The following GALNT9 variants were observed in gnomAD, a reference collection of about 807,000 sequenced individuals.
The protein encoded by GALNT9 is GalNAc transferase 9.
In GALNT9, 47 loss-of-function variants were observed where a neutral mutation model predicts 63.1. The ratio of observed to expected loss-of-function variants is 0.75; its 90% CI spans 0.59 to 0.95. The LOEUF is 0.95. GALNT9 is among the 40% of genes least tolerant of loss of function. GALNT9 has a pLI of 0.00. For missense variants in GALNT9, 829 were observed against 874.8 expected, an observed-to-expected ratio of 0.95 and a Z score of 0.66; for synonymous variants, 396 against 365.7, an observed-to-expected ratio of 1.08 and a Z score of -0.94.
intron 1 of GALNT9, among the ~76,000 whole-genome samples, chr12:132,288,901 G>A (rs1215341255): frequency 4.6e-5 from 7 of 151,554 alleles, no homozygotes; most frequent in Admixed American, 4.6e-4. Context: ...ACGGCTGCCT[G>A]ATGCCCAGCG....
At chr12:132,293,356 A>G (rs1880931367) in intron 1 of GALNT9, among the ~76,000 whole-genome samples, 1 of 152,242 alleles carries the variant, frequency 6.6e-6, no homozygotes, top group African/African-American at 2.4e-5. Context: ...GCCTCTGGCC[A>G]CAGGCTTTCC....
chr12:132,326,931 C>A (rs971156460), intron 1 of GALNT9, among the ~76,000 whole-genome samples: 20 of 152,206 alleles, frequency 1.3e-4, no homozygotes, highest in African/African-American at 4.6e-4. Context: ...CCCGTAGGGC[C>A]CCACCGGGGG....
At chr12:132,229,299 C>G (rs1877811465) in intron 6 of GALNT9, among the ~76,000 whole-genome samples, 1 of 152,256 alleles carries the variant, frequency 6.6e-6, no homozygotes, top group African/African-American at 2.4e-5. Flanking sequence ...TCACCAGAGG[C>G]AAGCCCCACG....
At chr12:132,217,948 C>T (rs1248029674) in intron 6 of GALNT9, among the ~76,000 whole-genome samples, 1 of 150,376 alleles carries the variant, frequency 6.6e-6, no homozygotes, top group Non-Finnish European at 1.5e-5. Context: ...CCCACCCACT[C>T]ACCACTCATC....
rs553434348 is a variant in GALNT9 at position 132,197,053 on chromosome 12, C to G, written c.*54G>C. 1.0e-4 allele frequency: 161 copies of G among 1,598,994 alleles called. 4 individuals are homozygous for G. The South Asian group carries it at 1.8e-3, about 18-fold the overall frequency. ...GGCACACCCCGGTCACTCAGCCACA[C>G]TGGCTCGGCCCAGCGCCTTCCCGAG... On this transcript the variant is annotated 3_prime_UTR_variant, in exon 11 of 11. Transcript: ENST00000328957.
intron 1 of GALNT9, among the ~76,000 whole-genome samples, chr12:132,324,274 C>T (rs1412255558): frequency 1.3e-5 from 2 of 152,162 alleles, no homozygotes; most frequent in African/African-American, 2.4e-5. Context: ...CAGGACATTC[C>T]GAGACGCACG....
rs1276963613 is a variant in GALNT9, at chr12:132,252,047, C to G, written c.960-4020G>C. ...CTTAACTGGGATCCCAGGAATCCTC[C>G]GTGATGAGGATGGTCCCCAGCGTCT... On this transcript the variant is annotated intron_variant, in intron 5 of 10. Coordinates refer to ENST00000328957, the MANE Select transcript of GALNT9 (RefSeq NM_001122636.2). This position sits in a 1 kb window ranked among gnomAD's most constrained non-coding sequence, Gnocchi z 5.2. Among the ~76,000 whole-genome samples the G allele has an allele frequency of 6.6e-6, 1 of 152,212 alleles. No homozygotes were observed. Among genetic ancestry groups the G allele is most frequent in the Non-Finnish European group, 1.5e-5 (1 of 68,046 alleles).
At chr12:132,206,934 G>A (rs1309468827) in intron 6 of GALNT9, among the ~76,000 whole-genome samples, 3 of 152,124 alleles carry the variant, frequency 2.0e-5, no homozygotes, top group Non-Finnish European at 1.5e-5. Flanking sequence ...GTGTGGTGGT[G>A]CATGCCTGCG....
At chr12:132,324,027 G>A (rs1555246317) in intron 1 of GALNT9, among the ~76,000 whole-genome samples, 1 of 152,246 alleles carries the variant, frequency 6.6e-6, no homozygotes, top group African/African-American at 2.4e-5. Flanking sequence ...ACTCAAGCTG[G>A]AAAGGCCGCC....
chr12:132,280,881 A>T (rs575953551), intron 2 of GALNT9: 5 of 152,416 alleles, frequency 3.3e-5, no homozygotes, highest in Admixed American at 3.3e-4. Context: ...GTGGGATCTG[A>T]ATAAAGAGAC....
intron 2 of GALNT9, chr12:132,275,244 A>T (rs1330095772): frequency 6.6e-6 from 1 of 152,322 alleles, no homozygotes; most frequent in African/African-American, 2.4e-5. Context: ...CCCGGCAGGA[A>T]CTCCCTAAGT....
chr12:132,291,300 AGCACCCACATCCAC>A (rs1880822965), intron 1 of GALNT9, among the ~76,000 whole-genome samples: 1 of 50,824 alleles, frequency 2.0e-5, no homozygotes, highest in Non-Finnish European at 3.5e-5. Flanking sequence ...CCACGTCCAT[AGCACCCACATCCAC>A]AGCACCCACA....
intron 1 of GALNT9, among the ~76,000 whole-genome samples, chr12:132,325,731 G>C (rs749837974): frequency 2.0e-5 from 3 of 152,216 alleles, no homozygotes; most frequent in Admixed American, 6.5e-5. Context: ...TGGGACCTGG[G>C]CTAGGGCAGG....
chr12:132,299,063 C>A lies in GALNT9; in HGVS notation c.239-12633G>T, dbSNP rs533441190. ...CACTCCCATACCTCACCCACTCCCA[C>A]CACACCTAACCCACCCGAGATAACC... On this transcript the variant is annotated intron_variant, in intron 1 of 10. Coordinates refer to ENST00000328957, the MANE Select transcript of GALNT9 (RefSeq NM_001122636.2). Among the ~76,000 whole-genome samples the A allele has an allele frequency of 2.4e-3, 347 of 142,930 alleles. 9 individuals are homozygous for A. Among genetic ancestry groups the A allele is most frequent in the African/African-American group, 8.6e-3 (331 of 38,710 alleles). The allele number at this position is 142,930 out of a possible 152,430, so 93.8% of individuals were successfully genotyped here.
chr12:132,221,051 C>CAAAAA (rs550355613), intron 6 of GALNT9, among the ~76,000 whole-genome samples: 7 of 71,016 alleles, frequency 9.9e-5, no homozygotes, highest in African/African-American at 3.8e-4. Flanking sequence ...GAGATTGTGT[C>CAAAAA]AAAAAAAAAA....
intron 6 of GALNT9, among the ~76,000 whole-genome samples, chr12:132,209,186 T>C (rs1288491873): frequency 2.0e-5 from 3 of 152,074 alleles, no homozygotes; most frequent in African/African-American, 7.2e-5. Flanking sequence ...CAGGATGAGA[T>C]AGGAGGTCGG....
intron 1 of GALNT9, among the ~76,000 whole-genome samples, chr12:132,288,947 A>G (rs1181693695): frequency 6.6e-6 from 1 of 151,414 alleles, no homozygotes; most frequent in African/African-American, 2.4e-5. Context: ...GCATGGTTCC[A>G]GATGGCTGCC....
At chr12:132,218,447 C>T (rs531102002) in intron 6 of GALNT9, among the ~76,000 whole-genome samples, 1 of 152,364 alleles carries the variant, frequency 6.6e-6, no homozygotes, top group East Asian at 1.9e-4. Flanking sequence ...GCTTCATATT[C>T]ACTCTGGAGG....
At chr12:132,235,055 C>A (rs1188366894) in intron 6 of GALNT9, among the ~76,000 whole-genome samples, 1 of 55,662 alleles carries the variant, frequency 1.8e-5, no homozygotes, top group African/African-American at 1.3e-4. Flanking sequence ...GCCACACACT[C>A]GATGGGGCGA....
Sources: allele counts gnomAD v4.1 joint callset (sites outside exome capture counted in the v4.1 genomes callset), GRCh38; gene constraint gnomAD v4.1.1; non-coding constraint Gnocchi (gnomAD v3.1); transcripts MANE v1.5; gene names NCBI Gene and HGNC (gene_info 2026-07-23, HGNC 2026-07-21).